The following FGGY variants were observed in gnomAD, a reference collection of about 807,000 sequenced individuals.
FGGY encodes FGGY carbohydrate kinase domain containing, also known as FGGY carbohydrate kinase domain-containing protein.
FGGY carries 72 observed loss-of-function variants against 71.3 expected under a neutral mutation model. The observed-to-expected ratio is 1.01, with a 90% CI of 0.84 to 1.23. The LOEUF (loss-of-function observed/expected upper bound fraction) is 1.23. Ranked by LOEUF, FGGY falls within the 50% of genes most tolerant of loss-of-function variation. The pLI is 0.00. For missense variants in FGGY, 668 were observed against 682.3 expected (o/e 0.98, Z 0.23); for synonymous variants, 251 against 250.3 (o/e 1.00, Z -0.02).
intron 7 of FGGY, among the ~76,000 whole-genome samples, chr1:59,546,517 G>GATTATTATTATTATT (rs1491216926): frequency 7.4e-6 from 1 of 134,672 alleles, no homozygotes; most frequent in Non-Finnish European, 1.6e-5. Flanking sequence ...TGATGATGAT[G>GATTATTATTATTATT]ATGATGATGA....
At chr1:59,461,799 T>TG (rs61393856) in intron 6 of FGGY, among the ~76,000 whole-genome samples, 1 of 143,974 alleles carries the variant, frequency 6.9e-6, no homozygotes, top group African/African-American at 3.0e-5. Context: ...TGTTTTGTTT[T>TG]TTATTTTATT....
intron 6 of FGGY, among the ~76,000 whole-genome samples, chr1:59,471,031 C>T (rs764658047): frequency 6.6e-6 from 1 of 152,184 alleles, no homozygotes; most frequent in East Asian, 1.9e-4. Flanking sequence ...GCCCATCACA[C>T]CATTACCTCC....
At chr1:59,340,900 G>A (rs986818833) in intron 3 of FGGY, among the ~76,000 whole-genome samples, 3 of 152,172 alleles carry the variant, frequency 2.0e-5, no homozygotes, top group Non-Finnish European at 4.4e-5. Context: ...AGTGGAGGCT[G>A]CATTGCACTG....
intron 1 of FGGY, among the ~76,000 whole-genome samples, chr1:59,301,614 G>C (rs1453814153): frequency 6.7e-6 from 1 of 149,938 alleles, no homozygotes; most frequent in Non-Finnish European, 1.5e-5. Context: ...GGTTTAGGAA[G>C]TTTCATTGTA....
intron 11 of FGGY, among the ~76,000 whole-genome samples, chr1:59,658,362 G>A (rs1193213940): frequency 2.0e-5 from 3 of 152,150 alleles, no homozygotes; most frequent in African/African-American, 7.2e-5. Flanking sequence ...ATGATTCAGC[G>A]CCAGAGTTCT....
At chr1:59,506,997 C>G (rs2094402283) in intron 6 of FGGY, among the ~76,000 whole-genome samples, 1 of 152,014 alleles carries the variant, frequency 6.6e-6, no homozygotes, top group Non-Finnish European at 1.5e-5. Context: ...AAAAGAAAAC[C>G]TTTAGGCAAA....
chr1:59,461,189 T>C (rs2153520990), intron 6 of FGGY, among the ~76,000 whole-genome samples: 1 of 152,216 alleles, frequency 6.6e-6, no homozygotes. Flanking sequence ...ATTAGATGAA[T>C]AGCTAACTAG....
intron 14 of FGGY, among the ~76,000 whole-genome samples, chr1:59,685,072 A>C (rs1573162857): frequency 6.6e-6 from 1 of 152,206 alleles, no homozygotes; most frequent in East Asian, 1.9e-4. Flanking sequence ...ACGATGGTTT[A>C]AACTCAAGTG....
chr1:59,576,879 C>A (rs2096089109), intron 8 of FGGY, among the ~76,000 whole-genome samples: 1 of 152,076 alleles, frequency 6.6e-6, no homozygotes, highest in Non-Finnish European at 1.5e-5. Flanking sequence ...ATTCATTCAC[C>A]ATTGTATCCT....
rs1378076290 is a variant in FGGY, at chr1:59,410,795, TA to T, written c.554+31964del. Among the ~76,000 whole-genome samples the T allele has an allele frequency of 1.8e-4, 28 of 152,252 alleles. No individual in the cohort carries two copies. In the East Asian group the frequency reaches 2.3e-3, roughly 13 times the overall value. ...TTATTGTATTTTAATATCTTCTCAT[TA>T]AAAAATATTATAATGTGTTCATATA... On this transcript the variant is annotated intron_variant, in intron 5 of 15. Transcript: ENST00000303721.
At chr1:59,409,588 G>T (rs2063276520) in intron 5 of FGGY, among the ~76,000 whole-genome samples, 1 of 133,822 alleles carries the variant, frequency 7.5e-6, no homozygotes, top group South Asian at 2.1e-4. Context: ...GCCTGTGAAG[G>T]AAGAGTTTTT....
chr1:59,325,408 C>G (rs948512270), intron 2 of FGGY, among the ~76,000 whole-genome samples: 3 of 151,818 alleles, frequency 2.0e-5, no homozygotes, highest in African/African-American at 7.3e-5. Context: ...TTAAACATTC[C>G]TGTCTCCTGA....
chr1:59,455,736 A>T (rs960049666), intron 5 of FGGY, among the ~76,000 whole-genome samples: 10 of 152,242 alleles, frequency 6.6e-5, no homozygotes, highest in Non-Finnish European at 1.5e-5. Context: ...GACATACTCC[A>T]TGCTCTGGGA....
chr1:59,537,772 G>A (rs928711717), intron 7 of FGGY, among the ~76,000 whole-genome samples: 4 of 152,116 alleles, frequency 2.6e-5, no homozygotes, highest in African/African-American at 7.2e-5. Flanking sequence ...AATAAATGGT[G>A]CTGGGAAAAC....
intron 6 of FGGY, among the ~76,000 whole-genome samples, chr1:59,478,786 T>C (rs2093363022): frequency 6.6e-6 from 1 of 152,164 alleles, no homozygotes; most frequent in Non-Finnish European, 1.5e-5. Context: ...GAAATTTCAG[T>C]ACTTTAGAGG....
intron 9 of FGGY, among the ~76,000 whole-genome samples, chr1:59,610,234 G>A (rs2096661518): frequency 6.7e-6 from 1 of 149,268 alleles, no homozygotes; most frequent in Admixed American, 6.7e-5. Flanking sequence ...CCCTCCCCTT[G>A]CCCCTAACTC....
At chr1:59,457,126 G>A (rs2091784392) in intron 6 of FGGY, 50 bp downstream of exon 6, 1 of 1,316,148 alleles carries the variant, frequency 7.6e-7, no homozygotes, top group Non-Finnish European at 1.1e-6. Flanking sequence ...GGAGGATCTT[G>A]ATGGGTTTGT....
intron 11 of FGGY, among the ~76,000 whole-genome samples, chr1:59,645,878 G>A (rs1157415483): frequency 6.6e-6 from 1 of 152,206 alleles, no homozygotes; most frequent in African/African-American, 2.4e-5. Context: ...GTGATTTTCT[G>A]CTTCTTTGAA....
intron 7 of FGGY, among the ~76,000 whole-genome samples, chr1:59,517,507 C>T (rs955270438): frequency 5.9e-5 from 9 of 151,964 alleles, no homozygotes; most frequent in Non-Finnish European, 1.2e-4. Context: ...CCTCGTGATC[C>T]GCCCGCCTCG....
Sources: gnomAD v4.1 joint callset for allele counts (sites outside exome capture counted in the v4.1 genomes callset) on GRCh38, gnomAD v4.1.1 for gene constraint, MANE v1.5 for transcripts, NCBI Gene and HGNC (gene_info 2026-07-23, HGNC 2026-07-21) for gene names.